SPMAP1: variants seen among roughly 807,000 people sequenced by gnomAD.
The protein encoded by SPMAP1 is sperm microtubule associated protein 1.
chr17:38,837,022 A>G, the SPMAP1 span: 3 of 740,176 alleles, frequency 4.1e-6, no homozygotes, highest in Non-Finnish European at 7.4e-6. Flanking sequence ...CTGTGGCACC[A>G]TCTGCTCATG....
At chr17:38,841,332 C>T in the SPMAP1 span, 2 of 1,614,196 alleles carry the variant, frequency 1.2e-6, no homozygotes, top group East Asian at 2.2e-5. Flanking sequence ...CTCACAGCCA[C>T]CCCGTCCAAG....
At chr17:38,841,437 C>T in the SPMAP1 span, 7 of 1,562,528 alleles carry the variant, frequency 4.5e-6, no homozygotes, top group South Asian at 2.3e-5. Context: ...GGATGAGGAC[C>T]CTAGATGGGG....
chr17:38,839,253 T>C, the SPMAP1 span, among the ~76,000 whole-genome samples: 1 of 151,802 alleles, frequency 6.6e-6, no homozygotes, highest in African/African-American at 2.4e-5. Context: ...CTCATGCCTA[T>C]AGTCCCAGCA....
chr17:38,835,410 C>T, the SPMAP1 span: 2 of 1,574,616 alleles, frequency 1.3e-6, no homozygotes, highest in Non-Finnish European at 1.7e-6. Flanking sequence ...TCCCCATTCC[C>T]CTGGGTGTGG....
the SPMAP1 span, chr17:38,837,038 G>T: frequency 1.3e-6 from 1 of 798,264 alleles, no homozygotes; most frequent in Non-Finnish European, 2.2e-6. Context: ...TCATGTATGT[G>T]AAGAAAAGCT....
chr17:38,840,743 C>T, the SPMAP1 span, among the ~76,000 whole-genome samples: 91 of 151,340 alleles, frequency 6.0e-4, 1 homozygote, highest in Admixed American at 5.7e-3. Context: ...GAGGTGGAAG[C>T]TGCAGTGAGC....
chr17:38,835,177 G>T, the SPMAP1 span: 3 of 1,613,334 alleles, frequency 1.9e-6, no homozygotes, highest in Non-Finnish European at 2.5e-6. Context: ...GCTATGAAGG[G>T]AAAAGATGCT....
the SPMAP1 span, chr17:38,837,221 C>T: frequency 1.9e-6 from 3 of 1,613,558 alleles, no homozygotes; most frequent in Non-Finnish European, 1.7e-6. Context: ...CCAGCCATCC[C>T]TTCCTGTACC....
chr17:38,836,760 GT>G, the SPMAP1 span, among the ~76,000 whole-genome samples: 1 of 151,432 alleles, frequency 6.6e-6, no homozygotes, highest in Non-Finnish European at 1.5e-5. Flanking sequence ...CTGGCTAATT[GT>G]TTTTTTGTAT....
the SPMAP1 span, among the ~76,000 whole-genome samples, chr17:38,837,895 G>A: frequency 6.6e-6 from 1 of 151,950 alleles, no homozygotes; most frequent in Non-Finnish European, 1.5e-5. Flanking sequence ...ATTGCTGTGA[G>A]GTTTGTTTTT....
chr17:38,840,268 C>T, the SPMAP1 span, among the ~76,000 whole-genome samples: 1 of 152,192 alleles, frequency 6.6e-6, no homozygotes, highest in East Asian at 1.9e-4. Flanking sequence ...TTCCCTTTGT[C>T]TTGCTCACTG....
At chr17:38,838,559 C>T in the SPMAP1 span, among the ~76,000 whole-genome samples, 3 of 151,748 alleles carry the variant, frequency 2.0e-5, no homozygotes, top group African/African-American at 7.3e-5. Flanking sequence ...GAGATCGTGC[C>T]ACTGCACTCC....
the SPMAP1 span, chr17:38,841,288 G>C: frequency 1.9e-6 from 3 of 1,614,194 alleles, no homozygotes; most frequent in Admixed American, 5.0e-5. Flanking sequence ...ACCACAGCTT[G>C]GGCCTAGAGC....
At chr17:38,837,242 T>C in the SPMAP1 span, 52 of 1,607,566 alleles carry the variant, frequency 3.2e-5, 1 homozygote, top group South Asian at 5.4e-4. Context: ...GCCATGATCC[T>C]GAAAGTGGGC....
the SPMAP1 span, among the ~76,000 whole-genome samples, chr17:38,836,579 TTC>T: frequency 1.3e-5 from 1 of 75,440 alleles, no homozygotes; most frequent in East Asian, 9.0e-4. Flanking sequence ...CTTTCTTTCT[TTC>T]TTTCTTTTTT....
chr17:38,841,043 A>AAAT, the SPMAP1 span: 2 of 610,482 alleles, frequency 3.3e-6, no homozygotes, highest in African/African-American at 1.8e-5. Context: ...CTTTGTCTCA[A>AAAT]AATAATAATA....
At chr17:38,837,056 T>C in the SPMAP1 span, 1 of 881,572 alleles carries the variant, frequency 1.1e-6, no homozygotes. Context: ...GCTGGAAGGA[T>C]GCAGTCCCTT....
chr17:38,841,193 T>C, the SPMAP1 span: 1 of 1,613,810 alleles, frequency 6.2e-7, no homozygotes, highest in Non-Finnish European at 8.5e-7. Flanking sequence ...CTGATCAGTT[T>C]TCCGCAAAAG....
chr17:38,835,626 G>C, the SPMAP1 span, among the ~76,000 whole-genome samples: 1 of 152,192 alleles, frequency 6.6e-6, no homozygotes, highest in African/African-American at 2.4e-5. Context: ...GAAATTCTGG[G>C]CTTGGCAAAG....
Sources: allele counts gnomAD v4.1 joint callset (sites outside exome capture counted in the v4.1 genomes callset), GRCh38; gene constraint gnomAD v4.1.1; transcripts MANE v1.5; gene names NCBI Gene and HGNC (gene_info 2026-07-23, HGNC 2026-07-21).